RIPOR2: variants seen among roughly 807,000 people sequenced by gnomAD.
The protein encoded by RIPOR2 is rho family-interacting cell polarization regulator 2.
A neutral mutation model predicts 114.5 loss-of-function variants in RIPOR2; 39 were observed. The ratio of observed to expected loss-of-function variants is 0.34; its 90% CI spans 0.26 to 0.44. The LOEUF is 0.44. Ranked by LOEUF, RIPOR2 falls within the 20% of genes least tolerant of loss-of-function variation. RIPOR2 has a pLI of 1.00. For missense variants in RIPOR2, 1,007 were observed against 1,255.1 expected (o/e 0.80, Z 2.99); for synonymous variants, 445 against 484.4 (o/e 0.92, Z 1.07).
At chr6:24,823,253 G>A (rs1006881126) in intron 19 of RIPOR2, among the ~76,000 whole-genome samples, 3 of 152,158 alleles carry the variant, frequency 2.0e-5, no homozygotes, top group Admixed American at 6.5e-5. Context: ...AATAACTTTT[G>A]CTATTCCATA....
In RIPOR2 at chr6:24,997,137, A is replaced by G. The variant is rs1348590223; in HGVS notation, c.76+44714T>C. ...CTGCAGAGCTTTTAAAACTCCCAACATGCAGGCCATAGCACACAACAATGA... is the reference window on the plus strand; with the variant it reads ...CTGCAGAGCTTTTAAAACTCCCAACGTGCAGGCCATAGCACACAACAATGA... On this transcript the variant is annotated intron_variant, in intron 1 of 13. Coordinates refer to the RIPOR2 transcript ENST00000510784. Among the ~76,000 whole-genome samples the G allele has an allele frequency of 2.0e-5, 3 of 152,186 alleles. No individual in the cohort carries two copies. The East Asian group carries it at 5.8e-4, about 29-fold the overall frequency.
At chr6:24,913,459 T>C (rs1581786212) in intron 1 of RIPOR2, among the ~76,000 whole-genome samples, 1 of 152,242 alleles carries the variant, frequency 6.6e-6, no homozygotes. Flanking sequence ...CTGGGTGACT[T>C]TGTAGACCCC....
chr6:24,819,342 C>G (rs1759458599), intron 19 of RIPOR2, among the ~76,000 whole-genome samples: 1 of 151,816 alleles, frequency 6.6e-6, no homozygotes, highest in Admixed American at 6.6e-5. Flanking sequence ...GAAATGATGG[C>G]TTAGATTTCA....
At chr6:24,842,181 G>A (rs1009639207) in intron 13 of RIPOR2, among the ~76,000 whole-genome samples, 13 of 152,140 alleles carry the variant, frequency 8.5e-5, no homozygotes, top group African/African-American at 2.9e-4. Flanking sequence ...TCTGTATGCA[G>A]GTGGAGACAG....
Position 24,835,846 on chromosome 6 carries a change from T to TG in RIPOR2, c.2064dup (p.Arg689GlnfsTer6). 6.4e-7 allele frequency: 1 copy of TG among 1,551,622 alleles called. No homozygotes were observed. The highest frequency in any genetic ancestry group is 8.7e-7 in the Non-Finnish European group (1 of 1,146,956). On this transcript the variant is annotated frameshift_variant, in exon 15 of 22. Coordinates refer to ENST00000643898, the MANE Select transcript of RIPOR2 (RefSeq NM_001286445.3). LOFTEE classifies it high-confidence loss of function. The stretch of plus-strand genomic sequence containing the variant: ...GTGAGCGCTTCACTGAGATGCCCCC[T>TG]GGCTTCTGGGTGAACCGACCTGTAA...
At chr6:25,012,502 C>T (rs1775814051) in intron 1 of RIPOR2, among the ~76,000 whole-genome samples, 1 of 152,048 alleles carries the variant, frequency 6.6e-6, no homozygotes, top group Non-Finnish European at 1.5e-5. Context: ...AATGGGTAAA[C>T]ATGATGTGGT....
chr6:24,986,872 C>T (rs2113603569), intron 1 of RIPOR2, among the ~76,000 whole-genome samples: 1 of 151,640 alleles, frequency 6.6e-6, no homozygotes, highest in Non-Finnish European at 1.5e-5. Context: ...GAAGAATTGT[C>T]TTGGGCCACA....
chr6:25,013,463 G>A (rs1415358930), intron 1 of RIPOR2, among the ~76,000 whole-genome samples: 1 of 152,190 alleles, frequency 6.6e-6, no homozygotes, highest in Non-Finnish European at 1.5e-5. Flanking sequence ...GCCTGAAGGG[G>A]GAGCACCTGC....
intron 18 of RIPOR2, 81 bp from the exon 19 acceptor site, chr6:24,825,509 G>A (rs959982480): frequency 2.0e-6 from 2 of 1,004,328 alleles, no homozygotes; most frequent in Non-Finnish European, 3.0e-6. Flanking sequence ...TAGAACTCAA[G>A]TACATAAGAA....
chr6:25,029,813 C>A (rs1234163957), intron 1 of RIPOR2, among the ~76,000 whole-genome samples: 1 of 152,166 alleles, frequency 6.6e-6, no homozygotes, highest in Non-Finnish European at 1.5e-5. Flanking sequence ...GATGTCTGGG[C>A]TACTCAGTTA....
chr6:24,809,982 T>C (rs1781035792), intron 20 of RIPOR2, among the ~76,000 whole-genome samples, 175 bp from the exon 21 acceptor site: 1 of 152,156 alleles, frequency 6.6e-6, no homozygotes, highest in South Asian at 2.1e-4. Context: ...GCAATTCTCC[T>C]GCCTCAGCCT....
intron 17 of RIPOR2, among the ~76,000 whole-genome samples, chr6:24,829,964 G>A (rs1760528809): frequency 6.6e-6 from 1 of 152,084 alleles, no homozygotes; most frequent in Admixed American, 6.6e-5. Flanking sequence ...ACATAAGAAT[G>A]TAGTAGCTTT....
chr6:24,940,247 A>G (rs1772052018), upstream of RIPOR2, among the ~76,000 whole-genome samples: 1 of 152,228 alleles, frequency 6.6e-6, no homozygotes, highest in Non-Finnish European at 1.5e-5. Context: ...AAGCGTGTAC[A>G]GGAGGAAACC....
intron 1 of RIPOR2, among the ~76,000 whole-genome samples, chr6:24,956,855 T>A (rs1773063176): frequency 6.6e-6 from 1 of 152,252 alleles, no homozygotes; most frequent in African/African-American, 2.4e-5. Context: ...TAAGATTTTC[T>A]CTTTCGATTA....
At chr6:24,830,781 T>C in intron 16 of RIPOR2, 111 bp from the exon 17 acceptor site, 2 of 1,133,016 alleles carry the variant, frequency 1.8e-6, no homozygotes, top group Non-Finnish European at 2.4e-6. Context: ...AATGGCATGA[T>C]CTCAGCTCAC....
At chr6:24,901,712 G>A (rs1465143173) in intron 1 of RIPOR2, among the ~76,000 whole-genome samples, 1 of 152,158 alleles carries the variant, frequency 6.6e-6, no homozygotes, top group Non-Finnish European at 1.5e-5. Context: ...GGGGAGGGCA[G>A]GAAGAACAAA....
intron 1 of RIPOR2, among the ~76,000 whole-genome samples, chr6:24,925,449 A>T (rs1770795648): frequency 6.6e-6 from 1 of 152,110 alleles, no homozygotes; most frequent in Non-Finnish European, 1.5e-5. Context: ...CATGCCTGTA[A>T]TCCCAGCACT....
chr6:24,980,375 A>G (rs1774236511), intron 1 of RIPOR2, among the ~76,000 whole-genome samples: 1 of 152,210 alleles, frequency 6.6e-6, no homozygotes, highest in Non-Finnish European at 1.5e-5. Context: ...ACCAAGAGGG[A>G]GTGAAATCAA....
At chr6:25,041,512 C>G (rs1368048984) in intron 1 of RIPOR2, among the ~76,000 whole-genome samples, 1 of 152,184 alleles carries the variant, frequency 6.6e-6, no homozygotes, top group African/African-American at 2.4e-5. Context: ...AACAAAAATT[C>G]CAATTCACAT....
Sources: allele counts gnomAD v4.1 joint callset (sites outside exome capture counted in the v4.1 genomes callset), GRCh38; gene constraint gnomAD v4.1.1; transcripts MANE v1.5; gene names NCBI Gene and HGNC (gene_info 2026-07-23, HGNC 2026-07-21).